Variants in MYO6 observed in about 807,000 individuals in gnomAD.
MYO6 encodes myosin VI.
MYO6 carries 74 observed loss-of-function variants against 178.7 expected under a neutral mutation model. That is an observed-to-expected ratio of 0.41 (90% CI 0.34 to 0.50). MYO6 has a LOEUF of 0.50. Ranked by LOEUF, MYO6 falls within the 20% of genes least tolerant of loss-of-function variation. The probability of loss-of-function intolerance (pLI) is 0.09; values close to 1 mark genes in which losing one functional copy is unlikely to be tolerated. For synonymous variants in MYO6, 477 were observed against 504.6 expected (o/e 0.95, Z 0.73); for missense variants, 1,330 against 1,547.4 (o/e 0.86, Z 2.36).
Position 75,845,128 on chromosome 6 carries a change from C to A in MYO6, c.897+151C>A. The A allele has an allele frequency of 3.0e-6, 2 of 668,658 alleles. 1 individual carries two copies. Among genetic ancestry groups the A allele is most frequent in the South Asian group, 3.7e-5 (2 of 54,296 alleles). 41.4% of individuals were successfully genotyped at this position (668,658 alleles called of 1,614,324 possible). On this transcript the variant is annotated intron_variant, in intron 10 of 34. Coordinates refer to ENST00000369977, the MANE Select transcript of MYO6 (RefSeq NM_004999.4). ...TAAATATTCATCTAAGTCTCTGTCA[C>A]AGTGTAATACTTTATACCTCTTGTT...
rs760293058 is a variant in MYO6 at position 75,862,716 on chromosome 6, G to A, written c.1667G>A (p.Arg556Gln). Reference sequence around the variant, plus strand: ...CACCAAAAGCACAAGGATCATTTTCGACTCACTGTGAGTTTTGCCATTCTG... The same window carrying A: ...CACCAAAAGCACAAGGATCATTTTCAACTCACTGTGAGTTTTGCCATTCTG... ...AVHQKHKDHF[R>Q]LTIPRKSKLA... Residue 556 changes from arginine (R) to glutamine (Q), a missense_variant, in exon 16 of 35, where the codon CGA becomes CAA. Transcript: ENST00000369977. 4 of 1,613,818 alleles carry A rather than the reference G, an allele frequency of 2.5e-6. No homozygotes were observed. The African/African-American group carries it at 4.0e-5, about 16-fold the overall frequency.
intron 33 of MYO6, among the ~76,000 whole-genome samples, chr6:75,912,785 A>G (rs993192056): frequency 2.0e-5 from 3 of 152,128 alleles, no homozygotes; most frequent in Non-Finnish European, 4.4e-5. Context: ...AGCTCTGGGA[A>G]AACAGGAGCA....
chr6:75,905,398 T>G lies in MYO6; in HGVS notation c.3177-2207T>G, dbSNP rs149426821. Among the ~76,000 whole-genome samples the G allele has an allele frequency of 0.013, 1,993 of 152,326 alleles. 75 individuals carry two copies. In the East Asian group the frequency reaches 0.15, roughly 11 times the overall value. On this transcript the variant is annotated intron_variant, in intron 30 of 34. Transcript: ENST00000369977. ...CGTGGGCGTAGGACCCTCCGAGCCATGTGCGGGATATAATCTCCTGGTGCG... is the reference window on the plus strand; with the variant it reads ...CGTGGGCGTAGGACCCTCCGAGCCAGGTGCGGGATATAATCTCCTGGTGCG...
chr6:75,822,903 T>A, intron 3 of MYO6, 52 bp downstream of exon 3: 1 of 1,410,448 alleles, frequency 7.1e-7, no homozygotes, highest in Non-Finnish European at 1.0e-6. Flanking sequence ...AGACTGTTCT[T>A]TTAAAAAAAT....
intron 32 of MYO6, among the ~76,000 whole-genome samples, chr6:75,909,445 T>G (rs965589065): frequency 6.6e-6 from 1 of 152,240 alleles, no homozygotes; most frequent in Non-Finnish European, 1.5e-5. Context: ...AAATATTACC[T>G]TGCTTCAGAC....
At chr6:75,902,598 T>C (rs1779896580) in intron 30 of MYO6, among the ~76,000 whole-genome samples, 1 of 152,180 alleles carries the variant, frequency 6.6e-6, no homozygotes, top group East Asian at 1.9e-4. Flanking sequence ...TGATTGCGTC[T>C]ATTTGATTCT....
intron 1 of MYO6, among the ~76,000 whole-genome samples, chr6:75,759,146 A>T (rs964174121): frequency 1.3e-5 from 2 of 152,184 alleles, no homozygotes; most frequent in Non-Finnish European, 2.9e-5. Context: ...CTGGGATTAC[A>T]GGAGTGAGCC....
chr6:75,913,369 T>G (rs543145584), intron 33 of MYO6, among the ~76,000 whole-genome samples: 4 of 152,310 alleles, frequency 2.6e-5, no homozygotes, highest in Non-Finnish European at 2.9e-5. Flanking sequence ...GAATCAAATG[T>G]TACATACTTT....
chr6:75,836,197 C>T (rs977634376), intron 7 of MYO6, among the ~76,000 whole-genome samples: 1 of 152,168 alleles, frequency 6.6e-6, no homozygotes, highest in Non-Finnish European at 1.5e-5. Context: ...AGAATGGTAA[C>T]TGATACAGAG....
chr6:75,844,850 C>T, intron 9 of MYO6, 47 bp from the exon 10 acceptor site: 1 of 1,451,640 alleles, frequency 6.9e-7, no homozygotes, highest in Non-Finnish European at 9.7e-7. Context: ...TGTATTATTT[C>T]CCTGTGGATC....
intron 30 of MYO6, among the ~76,000 whole-genome samples, chr6:75,904,223 G>A (rs995950441): frequency 5.4e-5 from 8 of 149,050 alleles, no homozygotes; most frequent in South Asian, 2.2e-4. Context: ...TGCTCTTCTC[G>A]AGGAGTATCT....
chr6:75,869,876 G>A (rs1776994033), intron 18 of MYO6, among the ~76,000 whole-genome samples: 1 of 152,136 alleles, frequency 6.6e-6, no homozygotes, highest in Admixed American at 6.6e-5. Context: ...CACTTTGGGA[G>A]GCTGAGGCGT....
At chr6:75,754,447 C>T (rs1171893442) in intron 1 of MYO6, among the ~76,000 whole-genome samples, 1 of 126,154 alleles carries the variant, frequency 7.9e-6, no homozygotes, top group Non-Finnish European at 1.6e-5. Flanking sequence ...TTGAACCTGG[C>T]AGGTGGAAGT....
intron 19 of MYO6, among the ~76,000 whole-genome samples, chr6:75,872,479 C>T (rs1562270700): frequency 6.6e-6 from 1 of 152,032 alleles, no homozygotes; most frequent in Non-Finnish European, 1.5e-5. Context: ...TACACTTTGG[C>T]CTAAGTCTTA....
chr6:75,827,605 G>A (rs1280051), intron 3 of MYO6, among the ~76,000 whole-genome samples: 92,823 of 151,856 alleles, frequency 0.61, 29,401 homozygotes, highest in East Asian at 0.76. Flanking sequence ...TAAATAAGAG[G>A]CTACCATGAT....
At chr6:75,910,282 C>T (rs1181716811) in intron 32 of MYO6, among the ~76,000 whole-genome samples, 1 of 152,116 alleles carries the variant, frequency 6.6e-6, no homozygotes, top group African/African-American at 2.4e-5. Context: ...GCTTGACAGA[C>T]TTTCATTATA....
intron 1 of MYO6, among the ~76,000 whole-genome samples, chr6:75,771,484 A>G (rs1236737401): frequency 6.6e-6 from 1 of 152,214 alleles, no homozygotes; most frequent in Non-Finnish European, 1.5e-5. Context: ...CTGTATTTAG[A>G]TATTAGATGC....
chr6:75,757,703 A>G (rs1303221540), intron 1 of MYO6, among the ~76,000 whole-genome samples: 1 of 152,052 alleles, frequency 6.6e-6, no homozygotes, highest in African/African-American at 2.4e-5. Context: ...TTTGTCACTC[A>G]TTAACTTGGT....
intron 1 of MYO6, among the ~76,000 whole-genome samples, chr6:75,758,221 A>G (rs1777635779): frequency 6.6e-6 from 1 of 152,034 alleles, no homozygotes; most frequent in South Asian, 2.1e-4. Context: ...AACTGGAATT[A>G]GAGAACTACT....
Sources: gnomAD v4.1 joint callset for allele counts (sites outside exome capture counted in the v4.1 genomes callset) on GRCh38, gnomAD v4.1.1 for gene constraint, MANE v1.5 for transcripts, NCBI Gene and HGNC (gene_info 2026-07-23, HGNC 2026-07-21) for gene names.